ARPP21: variants seen among roughly 807,000 people sequenced by gnomAD.
ARPP21 encodes cAMP-regulated phosphoprotein 21.
A neutral mutation model predicts 113.2 loss-of-function variants in ARPP21; 69 were observed. That is an observed-to-expected ratio of 0.61 (90% CI 0.50 to 0.74). The LOEUF (loss-of-function observed/expected upper bound fraction) is 0.74. Ranked by LOEUF, ARPP21 falls within the 30% of genes least tolerant of loss-of-function variation. The pLI, the probability that ARPP21 is intolerant of heterozygous loss-of-function variation, is 0.00. For synonymous variants in ARPP21, 368 were observed against 375.5 expected (o/e 0.98, Z 0.23); for missense variants, 1,070 against 1,037.4 (o/e 1.03, Z -0.43).
At chr3:35,708,293 C>T (rs1576120866) in intron 10 of ARPP21, among the ~76,000 whole-genome samples, 1 of 152,124 alleles carries the variant, frequency 6.6e-6, no homozygotes. Flanking sequence ...GGATAAAGAG[C>T]AGTCCTCATG....
chr3:35,759,676 C>CTG (rs57456659), intron 19 of ARPP21, among the ~76,000 whole-genome samples: 8,107 of 140,782 alleles, frequency 0.058, 533 homozygotes, highest in African/African-American at 0.17. Context: ...TTTTCTCTCT[C>CTG]TGTGTGTGTG....
At chr3:35,792,091 TAG>T (rs1328068694) in intron 19 of ARPP21, 3 of 267,416 alleles carry the variant, frequency 1.1e-5, no homozygotes, top group Non-Finnish European at 2.1e-5. Context: ...TTGGTATCAA[TAG>T]AGTCTTCTGT....
At chr3:35,787,069 T>C (rs1394830999) in intron 19 of ARPP21, among the ~76,000 whole-genome samples, 1 of 152,196 alleles carries the variant, frequency 6.6e-6, no homozygotes, top group Non-Finnish European at 1.5e-5. Flanking sequence ...TCCATAGTGT[T>C]CACAGAATTA....
At chr3:35,664,519 G>A (rs968359948) in intron 1 of ARPP21, among the ~76,000 whole-genome samples, 1 of 152,084 alleles carries the variant, frequency 6.6e-6, no homozygotes, top group African/African-American at 2.4e-5. Flanking sequence ...AAGTCCCCAG[G>A]TGGCTCTGCC....
chr3:35,708,575 C>T (rs2090029582), intron 10 of ARPP21, among the ~76,000 whole-genome samples: 1 of 152,226 alleles, frequency 6.6e-6, no homozygotes, highest in African/African-American at 2.4e-5. Context: ...GAACTAGCCA[C>T]TTCCTCTTTT....
At chr3:35,752,496 T>TAC (rs1407963176) in intron 19 of ARPP21, among the ~76,000 whole-genome samples, 1 of 152,048 alleles carries the variant, frequency 6.6e-6, no homozygotes. Context: ...CTCTAGCTCT[T>TAC]CTGTACACAA....
chr3:35,718,243 TTTGA>T (rs1446212668), intron 13 of ARPP21, among the ~76,000 whole-genome samples: 2 of 152,200 alleles, frequency 1.3e-5, no homozygotes, highest in African/African-American at 2.4e-5. Flanking sequence ...TATCTTACAC[TTTGA>T]TTGAAACAAA....
chr3:35,743,451 C>CTG (rs2094804386), intron 18 of ARPP21, among the ~76,000 whole-genome samples: 2 of 152,162 alleles, frequency 1.3e-5, no homozygotes, highest in African/African-American at 2.4e-5. Context: ...TGGAGGGTAA[C>CTG]CAGTCAATTG....
At chr3:35,699,889 C>A (rs1559663720) in intron 9 of ARPP21, among the ~76,000 whole-genome samples, 1 of 151,698 alleles carries the variant, frequency 6.6e-6, no homozygotes, top group Admixed American at 6.6e-5. Context: ...ACATCACTTT[C>A]AGAAAAATAT....
intron 19 of ARPP21, among the ~76,000 whole-genome samples, chr3:35,758,831 G>C (rs1021447540): frequency 6.6e-6 from 1 of 151,892 alleles, no homozygotes; most frequent in Non-Finnish European, 1.5e-5. Context: ...TTTAAGTAAA[G>C]CAGAGAAAGG....
In ARPP21 at chr3:35,747,949, A is replaced by AAGAG. The variant is rs1412297418; in HGVS notation, c.2137+3987_2137+3988insGAGA. On this transcript the variant is annotated intron_variant, in intron 19 of 20. Coordinates refer to ENST00000684406, the MANE Select transcript of ARPP21 (RefSeq NM_001385562.1). ...AAGAAGGAGGAAAGAAAGAAAGAAA[A>AAGAG]AGAAAGAAAGAAAGAGAGAGAGAGA... Among the ~76,000 whole-genome samples, 9 of 149,800 alleles carry AAGAG rather than the reference A, an allele frequency of 6.0e-5. No individual in the cohort carries two copies. The South Asian group carries it at 1.9e-3, about 32-fold the overall frequency.
chr3:35,670,925 G>A (rs1305565466), intron 1 of ARPP21, among the ~76,000 whole-genome samples: 1 of 152,120 alleles, frequency 6.6e-6, no homozygotes, highest in Non-Finnish European at 1.5e-5. Context: ...TCTAGTGCTG[G>A]CATTCTTCAT....
At chr3:35,675,302 T>G (rs1302516614) in intron 1 of ARPP21, among the ~76,000 whole-genome samples, 3 of 151,862 alleles carry the variant, frequency 2.0e-5, no homozygotes, top group Non-Finnish European at 4.4e-5. Context: ...TTTAAAAATC[T>G]TTGGACTGGT....
Position 35,721,636 on chromosome 3 carries a change from G to C in ARPP21, c.1027G>C (p.Gly343Arg). The C allele has an allele frequency of 3.1e-6, 5 of 1,613,284 alleles. No individual in the cohort carries two copies. The highest frequency in any genetic ancestry group is 4.2e-6 in the Non-Finnish European group (5 of 1,179,344). ...CAGAGATGGCTCAGGGAGAACATCT[G>C]GGAGTCGACAGAGCAGCTCAGAAAA... ...GNRDGSGRTS[G>R]SRQSSSENEL... The change falls in exon 14 of 21, where the codon GGG becomes CGG. Residue 343 changes from glycine (G) to arginine (R), a missense_variant. Physicochemically the swap from Gly to Arg is moderately radical, Grantham distance 125. Coordinates refer to ENST00000684406, the MANE Select transcript of ARPP21 (RefSeq NM_001385562.1).
chr3:35,783,932 A>G (rs181205036), intron 19 of ARPP21, among the ~76,000 whole-genome samples: 112 of 152,206 alleles, frequency 7.4e-4, no homozygotes, highest in African/African-American at 2.6e-3. Context: ...GCCCTACCCC[A>G]TTAGCAAATA....
chr3:35,681,816 C>A lies in ARPP21; in HGVS notation c.65C>A (p.Ala22Asp), dbSNP rs1162677937. 6.2e-7 allele frequency: 1 copy of A among 1,611,762 alleles called. No homozygotes were observed. Among genetic ancestry groups the A allele is most frequent in the East Asian group, 2.2e-5 (1 of 44,744 alleles). The change falls in exon 3 of 21, where the codon GCC (alanine) becomes GAC (aspartate). Residue 22 changes from alanine (A) to aspartate (D), a missense_variant. Ala to Asp is a moderately radical substitution (Grantham distance 126, BLOSUM62 -2). Coordinates refer to ENST00000684406, the MANE Select transcript of ARPP21 (RefSeq NM_001385562.1). ...AEEGGTEQET[A>D]TPENGIVKSE... Reference sequence around the variant, plus strand: ...GAAGGAGGGACTGAGCAGGAGACGGCCACTCCAGAGAACGGCATTGTTAAA... The same window carrying A: ...GAAGGAGGGACTGAGCAGGAGACGGACACTCCAGAGAACGGCATTGTTAAA...
intron 4 of ARPP21, 116 bp downstream of exon 4, chr3:35,683,005 C>T: frequency 9.9e-7 from 1 of 1,012,210 alleles, no homozygotes; most frequent in Non-Finnish European, 1.5e-6. Context: ...TATTGTGGGG[C>T]ATCTCGGCTG....
chr3:35,687,179 C>T (rs181172336), intron 5 of ARPP21, among the ~76,000 whole-genome samples: 101 of 151,270 alleles, frequency 6.7e-4, no homozygotes, highest in African/African-American at 2.3e-3. Context: ...AGAATTCCTG[C>T]AATTCTATAG....
chr3:35,659,669 C>T (rs527930915), intron 1 of ARPP21, among the ~76,000 whole-genome samples: 4 of 151,992 alleles, frequency 2.6e-5, no homozygotes, highest in Middle Eastern at 3.4e-3. Context: ...GAAAAGTGGG[C>T]GGTAGAGAGC....
Sources: gnomAD v4.1 joint callset for allele counts (sites outside exome capture counted in the v4.1 genomes callset) on GRCh38, gnomAD v4.1.1 for gene constraint, MANE v1.5 for transcripts, NCBI Gene and HGNC (gene_info 2026-07-23, HGNC 2026-07-21) for gene names.